The following HSD17B7 variants were observed in gnomAD, a reference collection of about 807,000 sequenced individuals.
HSD17B7 encodes the protein hydroxysteroid 17-beta dehydrogenase 7.
In HSD17B7, 17 loss-of-function variants were observed where a neutral mutation model predicts 34.1. That is an observed-to-expected ratio of 0.50 (90% CI 0.34 to 0.75). The LOEUF (loss-of-function observed/expected upper bound fraction) is 0.75. Among genes scored for constraint, HSD17B7 ranks in the 30% least tolerant of loss-of-function variants. HSD17B7 has a pLI of 0.01. For synonymous variants in HSD17B7, 122 were observed against 154.6 expected (o/e 0.79, Z 1.56); for missense variants, 296 against 406.6 (o/e 0.73, Z 2.34).
At chr1:162,792,638 G>T (rs1242679121) in intron 1 of HSD17B7, 21 bp from the exon 2 acceptor site, 4 of 1,603,978 alleles carry the variant, frequency 2.5e-6, no homozygotes, top group Non-Finnish European at 3.4e-6. Flanking sequence ...CCCACATCTT[G>T]TGTCTGAATT....
intron 2 of HSD17B7, 165 bp downstream of exon 2, chr1:162,793,027 C>CTTTAT: frequency 6.6e-5 from 21 of 319,762 alleles, no homozygotes; most frequent in Non-Finnish European, 7.9e-5. Context: ...ACCACGTTTT[C>CTTTAT]TTTCTTTTTT....
chr1:162,810,546 G>A (rs1649141197), intron 8 of HSD17B7, among the ~76,000 whole-genome samples: 1 of 152,168 alleles, frequency 6.6e-6, no homozygotes, highest in Non-Finnish European at 1.5e-5. Flanking sequence ...TGTGGACAGT[G>A]GGGTGTTAAA....
intron 8 of HSD17B7, 145 bp downstream of exon 8, chr1:162,805,637 A>G: frequency 1.5e-6 from 2 of 1,330,426 alleles, no homozygotes; most frequent in South Asian, 3.1e-5. Context: ...ATTTTATTTC[A>G]TCCTGCTCCC....
At chr1:162,794,199 CAAAG>C (rs149195150) in intron 2 of HSD17B7, among the ~76,000 whole-genome samples, 1,547 of 152,266 alleles carry the variant, frequency 0.01, 29 homozygotes, top group African/African-American at 0.036. Flanking sequence ...ACTTAAGAGA[CAAAG>C]AACTACCTTG....
Position 162,799,835 on chromosome 1 carries a change from C to T in HSD17B7, c.540C>T (p.Ser180=), listed in dbSNP as rs1252359435. 6.2e-7 allele frequency: 1 copy of T among 1,613,952 alleles called. No individual in the cohort carries two copies. The highest frequency in any genetic ancestry group is 2.2e-5 in the East Asian group (1 of 44,878). Residue 180 remains serine, a synonymous_variant, in exon 5 of 9, where the codon AGC becomes AGT. Coordinates refer to ENST00000254521, the MANE Select transcript of HSD17B7 (RefSeq NM_016371.4). The part of the protein sequence containing the change: ...SSRSARKSNF[S]LEDFQHSKGK... ...GCAGTGCAAGGAAATCTAATTTCAG[C>T]CTCGAGGACTTCCAGCACAGCAAAG... is the stretch of plus-strand genomic sequence containing the variant.
chr1:162,792,990 G>T, intron 2 of HSD17B7, 128 bp downstream of exon 2: 1 of 787,806 alleles, frequency 1.3e-6, no homozygotes. Flanking sequence ...GAGGAAGTCT[G>T]TATAGGGTGA....
intron 2 of HSD17B7, chr1:162,793,184 G>A (rs182738273): frequency 6.2e-5 from 14 of 224,892 alleles, no homozygotes; most frequent in South Asian, 5.4e-5. Context: ...ACAGACATGC[G>A]CCACCATGCC....
At chr1:162,801,471 G>A (rs1429577189) in intron 5 of HSD17B7, among the ~76,000 whole-genome samples, 3 of 152,204 alleles carry the variant, frequency 2.0e-5, no homozygotes, top group African/African-American at 7.2e-5. Context: ...AGCACTCACA[G>A]CAGTGTTTTG....
intron 1 of HSD17B7, 102 bp from the exon 2 acceptor site, chr1:162,792,557 C>T (rs1325464943): frequency 6.8e-7 from 1 of 1,479,586 alleles, no homozygotes; most frequent in Non-Finnish European, 9.1e-7. Flanking sequence ...CTGGGCTTCT[C>T]ATTGGAGGTC....
chr1:162,803,595 G>A lies in HSD17B7; in HGVS notation c.747+60G>A, dbSNP rs1648888849. On this transcript the variant is annotated intron_variant, in intron 6 of 8. Transcript: ENST00000254521. ...AAAAATCTCTTTTTGGGACCTAGAA[G>A]ATATGTTTAAGGGTTGGGAAATGAT... 1.6e-5 allele frequency: 25 copies of A among 1,572,384 alleles called. 1 individual carries two copies. The South Asian group carries it at 2.7e-4, about 17-fold the overall frequency.
intron 5 of HSD17B7, among the ~76,000 whole-genome samples, chr1:162,800,778 T>C (rs1351680334): frequency 6.6e-6 from 1 of 152,246 alleles, no homozygotes; most frequent in Non-Finnish European, 1.5e-5. Flanking sequence ...AGACCTATCA[T>C]GTTTAGGGCA....
intron 8 of HSD17B7, among the ~76,000 whole-genome samples, chr1:162,806,414 A>G (rs1648982491): frequency 1.3e-5 from 2 of 152,142 alleles, no homozygotes; most frequent in African/African-American, 4.8e-5. Context: ...TTTTCAAAAT[A>G]TGTTCTGTGG....
At chr1:162,793,103 G>A (rs1275351971) in intron 2 of HSD17B7, 3 of 261,040 alleles carry the variant, frequency 1.1e-5, no homozygotes, top group South Asian at 3.0e-5. Flanking sequence ...GCGTGATCTC[G>A]GCTCACTTCA....
intron 3 of HSD17B7, among the ~76,000 whole-genome samples, 191 bp downstream of exon 3, chr1:162,796,868 C>T (rs911758028): frequency 1.1e-4 from 16 of 152,074 alleles, no homozygotes; most frequent in East Asian, 1.9e-4. Context: ...CTGAAAGTCC[C>T]GTTTTTTATG....
intron 2 of HSD17B7, 168 bp downstream of exon 2, chr1:162,793,030 T>TA: frequency 6.4e-6 from 3 of 468,364 alleles, no homozygotes; most frequent in Non-Finnish European, 1.0e-5. Context: ...ACGTTTTCTT[T>TA]CTTTTTTTTT....
intron 4 of HSD17B7, chr1:162,798,195 C>T: frequency 2.2e-6 from 1 of 450,094 alleles, no homozygotes. Flanking sequence ...CCAGTTTCCC[C>T]ATTATTAACA....
intron 2 of HSD17B7, among the ~76,000 whole-genome samples, chr1:162,795,069 T>G (rs559364612): frequency 6.6e-6 from 1 of 152,280 alleles, no homozygotes; most frequent in African/African-American, 2.4e-5. Context: ...CAATTCAAGT[T>G]TAGGAAATGA....
chr1:162,793,076 C>T (rs1648472206), intron 2 of HSD17B7: 3 of 395,848 alleles, frequency 7.6e-6, no homozygotes, highest in South Asian at 2.3e-5. Context: ...CTCTGTTGCC[C>T]AGGCTGGAGT....
Position 162,799,757 on chromosome 1 carries a change from G to A in HSD17B7, c.462G>A (p.Glu154=), listed in dbSNP as rs1483611906. 2 of 1,612,864 alleles carry A rather than the reference G, an allele frequency of 1.2e-6. No homozygotes were observed. The highest frequency in any genetic ancestry group is 1.1e-5 in the South Asian group (1 of 90,974). The change falls in exon 5 of 9, where the codon GAG becomes GAA. Residue 154 remains glutamate (E), a synonymous_variant. Transcript: ENST00000254521. ...FGHFILIREL[E]PLLCHSDNPS... ...CTTTCACCCAGATTCGGGAACTGGA[G>A]CCTCTCCTCTGTCACAGTGACAATC...
Sources: allele counts gnomAD v4.1 joint callset (sites outside exome capture counted in the v4.1 genomes callset), GRCh38; gene constraint gnomAD v4.1.1; transcripts MANE v1.5; gene names NCBI Gene and HGNC (gene_info 2026-07-23, HGNC 2026-07-21).